Variants in BDNF observed in about 807,000 individuals in gnomAD.
BDNF encodes brain derived neurotrophic factor.
A neutral mutation model predicts 19.5 loss-of-function variants in BDNF; 1 was observed. The observed-to-expected ratio is 0.05, with a 90% CI of 0.02 to 0.24. The LOEUF (loss-of-function observed/expected upper bound fraction) is 0.24, where lower values mean the gene tolerates loss of function less well. Ranked by LOEUF, BDNF falls within the 10% of genes least tolerant of loss-of-function variation. The pLI is 1.00. For missense variants in BDNF, 195 were observed against 317.6 expected (o/e 0.61, Z 2.93); for synonymous variants, 100 against 121.6 (o/e 0.82, Z 1.17).
At chr11:27,714,682 A>G (rs1860450264) in intron 1 of BDNF, among the ~76,000 whole-genome samples, 1 of 152,196 alleles carries the variant, frequency 6.6e-6, no homozygotes, top group African/African-American at 2.4e-5. Flanking sequence ...AGAATTGTAA[A>G]TCACCAAAGG....
At position 27,658,422 on chromosome 11, in the gene BDNF, C is replaced by T; in HGVS notation, c.143G>A (p.Gly48Glu). 6.2e-7 allele frequency: 1 copy of T among 1,614,180 alleles called. No individual in the cohort carries two copies. The highest frequency in any genetic ancestry group is 8.5e-7 in the Non-Finnish European group (1 of 1,180,032). The part of the protein sequence containing the change: ...RTHGTLESVN[G>E]PKAGSRGLTS... ...CAAGCCTCTTGAACCTGCCTTGGGCCCATTCACGCTCTCCAGAGTCCCATG... is the reference window on the plus strand; with the variant it reads ...CAAGCCTCTTGAACCTGCCTTGGGCTCATTCACGCTCTCCAGAGTCCCATG... The change falls in exon 2 of 2, where the codon GGG (glycine) becomes GAG (glutamate). Residue 48 changes from glycine to glutamate, a missense_variant. Coordinates refer to ENST00000356660, the MANE Select transcript of BDNF (RefSeq NM_001709.5). This position sits in a 1 kb window ranked among gnomAD's most constrained non-coding sequence, Gnocchi z 5.7.
At chr11:27,659,135 G>T in intron 1 of BDNF, 2 of 1,002,980 alleles carry the variant, frequency 2.0e-6, no homozygotes, top group Non-Finnish European at 2.4e-6. Context: ...ACTATAAGGA[G>T]CCTTTAAATT....
chr11:27,668,981 C>T (rs1854854498), intron 1 of BDNF, among the ~76,000 whole-genome samples: 1 of 152,166 alleles, frequency 6.6e-6, no homozygotes, highest in Non-Finnish European at 1.5e-5. Context: ...GGCCAATATC[C>T]CTGATGAAGA....
At chr11:27,710,697 G>C (rs1860289703) in intron 1 of BDNF, among the ~76,000 whole-genome samples, 1 of 152,220 alleles carries the variant, frequency 6.6e-6, no homozygotes, top group Admixed American at 6.5e-5. Context: ...TCCACTGTGT[G>C]TCTTTGGAGA....
rs1174904693 is a variant in BDNF at position 27,716,428 on chromosome 11, C to T, written c.3+4984G>A. The stretch of plus-strand genomic sequence containing the variant: ...TCCCACTAGAAAACACACACAGAGA[C>T]ACACACGCCCATACACACACACACA... On this transcript the variant is annotated intron_variant, in intron 1 of 1. Coordinates refer to the BDNF transcript ENST00000314915. 3.5e-5 allele frequency among the ~76,000 whole-genome samples: 5 copies of T among 141,472 alleles called. No homozygotes were observed. In the Admixed American group the frequency reaches 3.8e-4, roughly 11 times the overall value. The allele number at this position is 141,472 out of a possible 152,430, so 92.8% of individuals were successfully genotyped here. A position where few individuals can be genotyped will look rare whatever the true frequency, so the allele number is the denominator to read the frequency against.
rs555350353 is a variant in BDNF at position 27,688,541 on chromosome 11, G to A, written c.-22+11623C>T. ...TGAAACCCAGGGCCCTGGTGGTGTA[G>A]GCACCCAAGGGAATCTCCTGGTCTG... On this transcript the variant is annotated intron_variant, in intron 1 of 1. Coordinates refer to ENST00000356660, the MANE Select transcript of BDNF (RefSeq NM_001709.5). 9.2e-5 allele frequency among the ~76,000 whole-genome samples: 14 copies of A among 152,310 alleles called. No homozygotes were observed. In the East Asian group the frequency reaches 2.1e-3, roughly 23 times the overall value.
intron 1 of BDNF, chr11:27,699,230 A>AAC: frequency 1.2e-6 from 1 of 856,242 alleles, no homozygotes; most frequent in Non-Finnish European, 1.7e-6. Context: ...CTCTACCCCC[A>AAC]ACACACAAAC....
chr11:27,699,655 C>A, intron 1 of BDNF: 2 of 1,427,158 alleles, frequency 1.4e-6, no homozygotes, highest in Non-Finnish European at 1.8e-6. Context: ...TCCTGGGGAG[C>A]AGGTAGCCGT....
chr11:27,719,462 T>C (rs2134117368), intron 1 of BDNF: 13 of 985,456 alleles, frequency 1.3e-5, no homozygotes, highest in Non-Finnish European at 1.6e-5. Flanking sequence ...GACCTTCTAC[T>C]CCCAGGCGGA....
Position 27,655,837 on chromosome 11 carries a change from A to G in BDNF, c.*1984T>C, listed in dbSNP as rs1369354615. On this transcript the variant is annotated 3_prime_UTR_variant, in exon 2 of 2. Coordinates refer to ENST00000356660, the MANE Select transcript of BDNF (RefSeq NM_001709.5). ...ATGGGCTGAATGGGCTTAGAGCTCT[A>G]GTTTTCACTGGGGATCCATTTTTCC... 6.6e-6 allele frequency: 1 copy of G among 152,152 alleles called. No homozygotes were observed. Among genetic ancestry groups the G allele is most frequent in the Non-Finnish European group, 1.5e-5 (1 of 68,042 alleles). The allele number at this position is 152,152 out of a possible 1,614,324, so 9.4% of individuals were successfully genotyped here.
At chr11:27,711,541 G>A (rs73446390) in intron 1 of BDNF, among the ~76,000 whole-genome samples, 3,987 of 152,290 alleles carry the variant, frequency 0.026, 167 homozygotes, top group African/African-American at 0.09. Flanking sequence ...GATAATGGGA[G>A]ACCCAGATTA....
At chr11:27,705,954 T>A (rs954670363) in intron 1 of BDNF, among the ~76,000 whole-genome samples, 2 of 152,238 alleles carry the variant, frequency 1.3e-5, no homozygotes, top group Non-Finnish European at 2.9e-5. Context: ...TAATCCATGG[T>A]GACACTTGCA....
intron 1 of BDNF, among the ~76,000 whole-genome samples, chr11:27,710,309 A>G (rs1202953590): frequency 6.6e-6 from 1 of 152,192 alleles, no homozygotes; most frequent in Non-Finnish European, 1.5e-5. Context: ...ACATCTTTCT[A>G]GGAGGTGCTC....
intron 1 of BDNF, among the ~76,000 whole-genome samples, chr11:27,714,384 A>G (rs1439449437): frequency 6.6e-6 from 1 of 152,146 alleles, no homozygotes; most frequent in Non-Finnish European, 1.5e-5. Context: ...CAATTTCAGG[A>G]TGTAATATTT....
At position 27,713,280 on chromosome 11, in the gene BDNF, G is replaced by A. The variant is rs961430935; in HGVS notation, c.3+8132C>T. 2.0e-5 allele frequency among the ~76,000 whole-genome samples: 3 copies of A among 152,228 alleles called. No homozygotes were observed. The East Asian group carries it at 5.8e-4, about 29-fold the overall frequency. ...GCGGAGGAGGAAGGTGAAAGCAGAA[G>A]AAATCATTGTTTCCTACTAAAGTAG... On this transcript the variant is annotated intron_variant, in intron 1 of 1. Coordinates refer to the BDNF transcript ENST00000314915.
intron 1 of BDNF, among the ~76,000 whole-genome samples, chr11:27,709,654 T>C (rs1860248094): frequency 6.6e-6 from 1 of 152,212 alleles, no homozygotes; most frequent in Admixed American, 6.5e-5. Context: ...ACTGTCAGTT[T>C]CTGGCCATGT....
In BDNF at chr11:27,697,158, C is replaced by G. The variant is rs1268998870; in HGVS notation, c.-22+3006G>C. Among the ~76,000 whole-genome samples, 200 of 113,662 alleles carry G rather than the reference C, an allele frequency of 1.8e-3. 1 individual carries two copies. Among genetic ancestry groups the G allele is most frequent in the South Asian group, 2.9e-3 (8 of 2,726 alleles). The allele number at this position is 113,662 out of a possible 152,430, so 74.6% of individuals were successfully genotyped here. On this transcript the variant is annotated intron_variant, in intron 1 of 1. Transcript: ENST00000356660. ...GCACGTGCACGCACACACACACACACACACACAGAGAGAGAGAGAGAGAGA... is the reference window on the plus strand; with the variant it reads ...GCACGTGCACGCACACACACACACAGACACACAGAGAGAGAGAGAGAGAGA...
At chr11:27,683,692 G>A (rs1857131274) in intron 1 of BDNF, among the ~76,000 whole-genome samples, 1 of 152,132 alleles carries the variant, frequency 6.6e-6, no homozygotes, top group South Asian at 2.1e-4. Context: ...TTTTTGTCAT[G>A]TTTGTCAAAG....
chr11:27,684,208 T>C (rs1175641545), intron 1 of BDNF, among the ~76,000 whole-genome samples: 1 of 152,168 alleles, frequency 6.6e-6, no homozygotes, highest in Non-Finnish European at 1.5e-5. Context: ...TGTTTGTCAT[T>C]ATTGGTGTAT....
Sources: gnomAD v4.1 joint callset for allele counts (sites outside exome capture counted in the v4.1 genomes callset) on GRCh38, gnomAD v4.1.1 for gene constraint, Gnocchi (gnomAD v3.1) non-coding constraint, MANE v1.5 for transcripts, NCBI Gene and HGNC (gene_info 2026-07-23, HGNC 2026-07-21) for gene names.